UNC13C: variants seen among roughly 807,000 people sequenced by gnomAD.
UNC13C encodes the protein unc-13 homolog C.
UNC13C carries 174 observed loss-of-function variants against 245.4 expected under a neutral mutation model. The observed-to-expected ratio is 0.71, with a 90% confidence interval of 0.63 to 0.80. The LOEUF is 0.80. Among genes scored for constraint, UNC13C ranks in the 30% least tolerant of loss-of-function variants. The probability of loss-of-function intolerance (pLI) is 0.00; values close to 1 mark genes in which losing one functional copy is unlikely to be tolerated. For synonymous variants in UNC13C, 992 were observed against 895.1 expected (o/e 1.11, Z -1.93); for missense variants, 2,829 against 2,602.9 (o/e 1.09, Z -1.89).
intron 30 of UNC13C, among the ~76,000 whole-genome samples, chr15:54,612,368 T>A (rs773480328): frequency 6.6e-6 from 1 of 152,042 alleles, no homozygotes; most frequent in Non-Finnish European, 1.5e-5. Flanking sequence ...ATTTCTTTCT[T>A]CATTTAGAGT....
At position 54,015,622 on chromosome 15, in the gene UNC13C, C is replaced by T; in HGVS notation, c.2719C>T (p.His907Tyr). ...ETDEQMQAYD[H>Y]LSYETPYETP... is the part of the protein sequence containing the mutation. The stretch of plus-strand genomic sequence containing the variant: ...AGATGAACAAATGCAAGCATATGAT[C>T]ACCTTTCATATGAAACACCTTATGA... The change falls in exon 2 of 33, where the codon CAC (histidine) becomes TAC (tyrosine). Residue 907 changes from histidine to tyrosine, a missense_variant. By Grantham distance (83) the His-to-Tyr change is moderately conservative. Coordinates refer to ENST00000260323, the MANE Select transcript of UNC13C (RefSeq NM_001080534.3). 6.2e-7 allele frequency: 1 copy of T among 1,613,734 alleles called. No individual in the cohort carries two copies. The highest frequency in any genetic ancestry group is 8.5e-7 in the Non-Finnish European group (1 of 1,179,760).
chr15:53,850,283 C>T, the UNC13C span, among the ~76,000 whole-genome samples: 2 of 152,048 alleles, frequency 1.3e-5, no homozygotes, highest in East Asian at 1.9e-4. Flanking sequence ...GGCATGGTGG[C>T]ATGCACCTAT....
At chr15:53,922,592 T>A in the UNC13C span, among the ~76,000 whole-genome samples, 1 of 152,224 alleles carries the variant, frequency 6.6e-6, no homozygotes, top group Non-Finnish European at 1.5e-5. Context: ...TATTCCTTTT[T>A]ATATTAAGCA....
chr15:54,458,997 A>T (rs1891690226), intron 19 of UNC13C, among the ~76,000 whole-genome samples: 1 of 151,768 alleles, frequency 6.6e-6, no homozygotes, highest in African/African-American at 2.4e-5. Flanking sequence ...GGTCCTGTTG[A>T]TTTATGCTTT....
At chr15:53,981,773 G>A (rs1893936304) in intron 1 of UNC13C, among the ~76,000 whole-genome samples, 1 of 152,126 alleles carries the variant, frequency 6.6e-6, no homozygotes, top group Non-Finnish European at 1.5e-5. Flanking sequence ...AAGGGAGACA[G>A]GAATAAATAT....
At chr15:54,301,565 T>C (rs1448984241) in intron 13 of UNC13C, among the ~76,000 whole-genome samples, 1 of 152,186 alleles carries the variant, frequency 6.6e-6, no homozygotes, top group Non-Finnish European at 1.5e-5. Flanking sequence ...TGTGTTAGTT[T>C]GCTGAGAATG....
chr15:54,568,679 G>C (rs1464264336), intron 30 of UNC13C, among the ~76,000 whole-genome samples: 3 of 152,064 alleles, frequency 2.0e-5, no homozygotes, highest in Admixed American at 6.6e-5. Context: ...TCAAACTTCA[G>C]AACCTAATAA....
At chr15:53,955,047 A>G in the UNC13C span, among the ~76,000 whole-genome samples, 1 of 152,218 alleles carries the variant, frequency 6.6e-6, no homozygotes, top group Non-Finnish European at 1.5e-5. Context: ...CATGACTATA[A>G]GAAGAGAACT....
chr15:54,600,347 G>A (rs535714183), intron 30 of UNC13C, among the ~76,000 whole-genome samples: 53 of 152,088 alleles, frequency 3.5e-4, no homozygotes, highest in African/African-American at 9.6e-4. Flanking sequence ...ATATGATTTC[G>A]GGATGAGAGC....
At position 54,464,316 on chromosome 15, in the gene UNC13C, T is replaced by C. The variant is rs531859166; in HGVS notation, c.4934-30292T>C. Among the ~76,000 whole-genome samples the C allele has an allele frequency of 3.9e-5, 6 of 152,298 alleles. No individual in the cohort carries two copies. The South Asian group carries it at 1.2e-3, about 32-fold the overall frequency. Reference sequence around the variant, plus strand: ...GTTTTTCTGCCAGCATATCCATCTTTTATTAGCTATTTAAAATAAATCTTC... The same window carrying C: ...GTTTTTCTGCCAGCATATCCATCTTCTATTAGCTATTTAAAATAAATCTTC... On this transcript the variant is annotated intron_variant, in intron 19 of 32. Transcript: ENST00000260323.
chr15:54,341,185 G>A (rs1171890920), intron 17 of UNC13C, among the ~76,000 whole-genome samples: 2 of 152,136 alleles, frequency 1.3e-5, no homozygotes, highest in Non-Finnish European at 2.9e-5. Flanking sequence ...ATTCACAAAA[G>A]CAAAGACATG....
the UNC13C span, among the ~76,000 whole-genome samples, chr15:53,953,427 C>A: frequency 6.6e-6 from 1 of 152,162 alleles, no homozygotes; most frequent in Admixed American, 6.5e-5. Flanking sequence ...CAACTTCTGT[C>A]CAATTCAACC....
At chr15:54,068,186 T>C (rs1238823737) in intron 2 of UNC13C, among the ~76,000 whole-genome samples, 2 of 152,194 alleles carry the variant, frequency 1.3e-5, no homozygotes, top group Non-Finnish European at 2.9e-5. Flanking sequence ...AACAATTCTA[T>C]AGCCACAACC....
chr15:53,885,632 T>A, the UNC13C span, among the ~76,000 whole-genome samples: 1 of 152,350 alleles, frequency 6.6e-6, no homozygotes, highest in East Asian at 1.9e-4. Flanking sequence ...AAAATTTTGA[T>A]GACATAAATT....
At chr15:54,620,993 A>C (rs1397351577) in intron 30 of UNC13C, among the ~76,000 whole-genome samples, 1 of 152,040 alleles carries the variant, frequency 6.6e-6, no homozygotes, top group Non-Finnish European at 1.5e-5. Flanking sequence ...CGTTAGTGTG[A>C]AGGGTTGTTC....
chr15:54,209,819 CAACA>C (rs1332117633), intron 4 of UNC13C, among the ~76,000 whole-genome samples: 2 of 152,034 alleles, frequency 1.3e-5, no homozygotes, highest in Non-Finnish European at 2.9e-5. Context: ...CAACATGATC[CAACA>C]AACTAGTGCA....
At chr15:54,451,657 C>T (rs1891182910) in intron 19 of UNC13C, among the ~76,000 whole-genome samples, 1 of 151,894 alleles carries the variant, frequency 6.6e-6, no homozygotes, top group Admixed American at 6.6e-5. Context: ...CATTTATATC[C>T]TGAATTGTTT....
chr15:54,587,975 T>C (rs1898579847), intron 30 of UNC13C, among the ~76,000 whole-genome samples: 2 of 152,220 alleles, frequency 1.3e-5, no homozygotes, highest in African/African-American at 4.8e-5. Flanking sequence ...ACATTGGCCC[T>C]GGGCACAATG....
chr15:53,975,322 AAAT>A (rs1371293774), upstream of UNC13C, among the ~76,000 whole-genome samples: 1 of 152,240 alleles, frequency 6.6e-6, no homozygotes, highest in African/African-American at 2.4e-5. Context: ...ATAGAGCTAG[AAAT>A]GCCAACTTGC....
Sources: gnomAD v4.1 joint callset for allele counts (sites outside exome capture counted in the v4.1 genomes callset) on GRCh38, gnomAD v4.1.1 for gene constraint, MANE v1.5 for transcripts, NCBI Gene and HGNC (gene_info 2026-07-23, HGNC 2026-07-21) for gene names.